LRRC28: variants seen among roughly 807,000 people sequenced by gnomAD.
LRRC28 encodes the protein leucine rich repeat containing 28.
LRRC28 carries 39 observed loss-of-function variants against 45.7 expected under a neutral mutation model. The observed-to-expected ratio is 0.85, with a 90% CI of 0.66 to 1.12. The LOEUF (loss-of-function observed/expected upper bound fraction) is 1.12, where lower values mean the gene tolerates loss of function less well. LRRC28 is among the 50% of genes most tolerant of loss of function. The pLI is 0.00. For synonymous variants in LRRC28, 206 were observed against 178.8 expected, an observed-to-expected ratio of 1.15 and a Z score of -1.22; for missense variants, 435 against 438.5, an observed-to-expected ratio of 0.99 and a Z score of 0.07.
chr15:99,259,930 G>A, intron 2 of LRRC28: 2 of 686,868 alleles, frequency 2.9e-6, no homozygotes, highest in African/African-American at 1.8e-5. Context: ...AAGACAAAGA[G>A]CAAGACAAAG....
At chr15:99,329,252 A>C (rs1257609486) in intron 5 of LRRC28, among the ~76,000 whole-genome samples, 2 of 152,256 alleles carry the variant, frequency 1.3e-5, no homozygotes, top group Non-Finnish European at 2.9e-5. Context: ...CTTAATTGTA[A>C]TGGTAAAGCC....
intron 5 of LRRC28, among the ~76,000 whole-genome samples, chr15:99,314,437 C>CTAAA (rs71922869): frequency 0.048 from 6,139 of 127,728 alleles, 202 homozygotes; most frequent in African/African-American, 0.083. Context: ...GACCTTGTCT[C>CTAAA]TAAATAAATA....
chr15:99,309,556 G>A (rs541093463), intron 5 of LRRC28, among the ~76,000 whole-genome samples: 8 of 152,116 alleles, frequency 5.3e-5, no homozygotes, highest in Admixed American at 3.3e-4. Flanking sequence ...TTACAGGCAC[G>A]CGCCACCACG....
chr15:99,359,574 G>T (rs1179810846), intron 7 of LRRC28, among the ~76,000 whole-genome samples: 2 of 152,196 alleles, frequency 1.3e-5, no homozygotes, highest in Admixed American at 1.3e-4. Flanking sequence ...TTTTTGGAAA[G>T]ATCTCAGGCA....
intron 5 of LRRC28, among the ~76,000 whole-genome samples, chr15:99,317,000 C>CT (rs35415959): frequency 0.027 from 3,751 of 138,444 alleles, 149 homozygotes; most frequent in African/African-American, 0.087. Flanking sequence ...CCTACTGGGC[C>CT]TTTTTTTTTT....
At chr15:99,280,357 A>C (rs2081748617) in intron 3 of LRRC28, among the ~76,000 whole-genome samples, 1 of 152,036 alleles carries the variant, frequency 6.6e-6, no homozygotes, top group South Asian at 2.1e-4. Flanking sequence ...GCAAGTCTAA[A>C]AACTCTGTGT....
intron 6 of LRRC28, among the ~76,000 whole-genome samples, chr15:99,343,618 A>T (rs550283981): frequency 5.6e-4 from 85 of 152,364 alleles, no homozygotes; most frequent in Middle Eastern, 6.8e-3. Flanking sequence ...TGTACGACGG[A>T]CAGCTTCCTT....
intron 4 of LRRC28, 67 bp downstream of exon 4, chr15:99,287,361 A>G: frequency 8.2e-7 from 1 of 1,221,984 alleles, no homozygotes. Context: ...TAAATAGATC[A>G]AATTTTATTT....
At chr15:99,282,761 A>G (rs2081841869) in intron 3 of LRRC28, among the ~76,000 whole-genome samples, 1 of 152,188 alleles carries the variant, frequency 6.6e-6, no homozygotes, top group African/African-American at 2.4e-5. Flanking sequence ...TTCTTAGAAC[A>G]TATCCCAGTC....
chr15:99,298,462 A>G (rs1597279068), intron 5 of LRRC28, among the ~76,000 whole-genome samples: 1 of 152,154 alleles, frequency 6.6e-6, no homozygotes, highest in East Asian at 1.9e-4. Context: ...TACTTCCAGG[A>G]TGCTCTCTCT....
intron 9 of LRRC28, among the ~76,000 whole-genome samples, chr15:99,369,082 C>A (rs1957413867): frequency 6.6e-6 from 1 of 152,176 alleles, no homozygotes; most frequent in African/African-American, 2.4e-5. Flanking sequence ...TCCAATAATA[C>A]ATTCCTCATT....
chr15:99,279,161 T>C (rs1470678069), intron 3 of LRRC28, among the ~76,000 whole-genome samples: 2 of 152,248 alleles, frequency 1.3e-5, no homozygotes, highest in Non-Finnish European at 2.9e-5. Context: ...ATATGTGACC[T>C]TTTGTATCTG....
intron 9 of LRRC28, among the ~76,000 whole-genome samples, chr15:99,374,693 G>A (rs76959998): frequency 7.1e-6 from 1 of 140,662 alleles, no homozygotes; most frequent in East Asian, 2.1e-4. Flanking sequence ...TTTTTTTTTT[G>A]AGATGGAGTC....
intron 5 of LRRC28, among the ~76,000 whole-genome samples, chr15:99,301,494 TG>T (rs1954967710): frequency 6.6e-6 from 1 of 152,214 alleles, no homozygotes; most frequent in Admixed American, 6.5e-5. Context: ...CGGAATTCCA[TG>T]GAACTTTAAG....
chr15:99,258,303 A>C, intron 2 of LRRC28: 1 of 1,514,904 alleles, frequency 6.6e-7, no homozygotes, highest in East Asian at 2.2e-5. Context: ...TCTGAATCCA[A>C]TGAATATTCT....
At chr15:99,340,829 A>G (rs748950736) in intron 6 of LRRC28, among the ~76,000 whole-genome samples, 1 of 152,208 alleles carries the variant, frequency 6.6e-6, no homozygotes, top group Non-Finnish European at 1.5e-5. Context: ...TCTCTATCTA[A>G]TGAAAACAGA....
chr15:99,259,983 C>G, intron 2 of LRRC28: 1 of 636,918 alleles, frequency 1.6e-6, no homozygotes. Context: ...AAACAAGAAA[C>G]AGCAAAGGAA....
chr15:99,360,717 T>C (rs768548946), intron 7 of LRRC28, among the ~76,000 whole-genome samples: 2 of 152,138 alleles, frequency 1.3e-5, no homozygotes, highest in Non-Finnish European at 2.9e-5. Flanking sequence ...TAGAATGAGA[T>C]TGGATTTGTG....
At chr15:99,293,902 T>G (rs913495041) in intron 5 of LRRC28, among the ~76,000 whole-genome samples, 4 of 152,212 alleles carry the variant, frequency 2.6e-5, no homozygotes, top group African/African-American at 9.6e-5. Context: ...TTTTTCTTTA[T>G]GCAAAAATGT....
Sources: allele counts gnomAD v4.1 joint callset (sites outside exome capture counted in the v4.1 genomes callset), GRCh38; gene constraint gnomAD v4.1.1; transcripts MANE v1.5; gene names NCBI Gene and HGNC (gene_info 2026-07-23, HGNC 2026-07-21).